The following LPP variants were observed in gnomAD, a reference collection of about 807,000 sequenced individuals.
The protein encoded by LPP is lipoma-preferred partner.
A neutral mutation model predicts 60.4 loss-of-function variants in LPP; 38 were observed. That is an observed-to-expected ratio of 0.63 (90% CI 0.49 to 0.83). LPP has a LOEUF of 0.83. Among genes scored for constraint, LPP ranks in the 40% least tolerant of loss-of-function variants. The pLI is 0.00. For missense variants in LPP, 902 were observed against 783.6 expected, an observed-to-expected ratio of 1.15 and a Z score of -1.80; for synonymous variants, 328 against 290.8, an observed-to-expected ratio of 1.13 and a Z score of -1.30.
rs138867743 is a variant in LPP at position 188,195,223 on chromosome 3, C to T, written c.-189-30182C>T. Among the ~76,000 whole-genome samples the T allele has an allele frequency of 1.3e-3, 195 of 151,314 alleles. 2 individuals carry two copies. Among genetic ancestry groups the T allele is most frequent in the African/African-American group, 4.5e-3 (184 of 41,218 alleles). On this transcript the variant is annotated intron_variant, in intron 1 of 11. Transcript: ENST00000617246. ...GCAATAAGCTGAGATTGCGCCATTG[C>T]ACTCCAGCCTGGGCGACAAGAGCGA... is the stretch of plus-strand genomic sequence containing the variant.
At chr3:188,716,459 A>G (rs1027409694) in intron 8 of LPP, among the ~76,000 whole-genome samples, 9 of 152,234 alleles carry the variant, frequency 5.9e-5, no homozygotes, top group Admixed American at 1.3e-4. Context: ...TTCTTTCTGC[A>G]CTAGTGGGAC....
chr3:188,255,468 A>C (rs944949852), intron 2 of LPP, among the ~76,000 whole-genome samples: 4 of 152,198 alleles, frequency 2.6e-5, no homozygotes, highest in African/African-American at 9.7e-5. Context: ...TCTTATTCAT[A>C]GATTCTGGGC....
At chr3:188,645,803 T>C (rs983894527) in intron 7 of LPP, among the ~76,000 whole-genome samples, 3 of 150,180 alleles carry the variant, frequency 2.0e-5, no homozygotes, top group Non-Finnish European at 3.0e-5. Context: ...TTGACAAATA[T>C]AAGTTCAAAA....
At chr3:188,154,409 C>G (rs1577015413) in intron 1 of LPP, among the ~76,000 whole-genome samples, 157 bp downstream of exon 1, 1 of 152,116 alleles carries the variant, frequency 6.6e-6, no homozygotes, top group Admixed American at 6.5e-5. Context: ...CGGCCGCGGC[C>G]CAATCACGGG....
chr3:188,726,961 G>A (rs1253251092), intron 8 of LPP, among the ~76,000 whole-genome samples: 4 of 152,078 alleles, frequency 2.6e-5, no homozygotes, highest in Non-Finnish European at 5.9e-5. Context: ...TCACAGAATG[G>A]GACCTTAGAT....
In LPP at chr3:188,406,288, C is replaced by T. The variant is rs1288537252; in HGVS notation, c.168C>T (p.Asn56=). The T allele has an allele frequency of 1.2e-6, 2 of 1,614,080 alleles. No individual in the cohort carries two copies. The highest frequency in any genetic ancestry group is 1.7e-6 in the Non-Finnish European group (2 of 1,179,978). Reference sequence around the variant, plus strand: ...TAGTTGCTCCAAAACCTAAGTACAACCCATACAAACAACCTGGAGGTGAGG... The same window carrying T: ...TAGTTGCTCCAAAACCTAAGTACAATCCATACAAACAACCTGGAGGTGAGG... ...APVVAPKPKY[N]PYKQPGGEGD... The change falls in exon 4 of 12, where the codon AAC becomes AAT. Residue 56 remains asparagine (N), a synonymous_variant. Coordinates refer to ENST00000617246, the MANE Select transcript of LPP (RefSeq NM_001375462.1).
chr3:188,172,305 G>A (rs896631504), intron 1 of LPP, among the ~76,000 whole-genome samples: 1 of 152,098 alleles, frequency 6.6e-6, no homozygotes, highest in African/African-American at 2.4e-5. Context: ...TTGCATTCTG[G>A]CCTGCCAAAA....
chr3:188,265,312 G>A (rs9860023), intron 2 of LPP, among the ~76,000 whole-genome samples: 2,908 of 152,290 alleles, frequency 0.019, 44 homozygotes, highest in African/African-American at 0.024. Context: ...TGTATATGGA[G>A]GCATCACAGT....
chr3:188,556,669 A>G (rs1023647950), intron 6 of LPP, among the ~76,000 whole-genome samples: 1 of 151,718 alleles, frequency 6.6e-6, no homozygotes, highest in Non-Finnish European at 1.5e-5. Flanking sequence ...ATTATGATCT[A>G]ATTACTTCCA....
chr3:188,731,516 TTTTTGTTTTG>T (rs71298537), intron 8 of LPP, among the ~76,000 whole-genome samples: 1 of 145,700 alleles, frequency 6.9e-6, no homozygotes, highest in East Asian at 2.0e-4. Flanking sequence ...TTTTTTGTTT[TTTTTGTTTTG>T]TTTTGTTTTG....
At chr3:188,662,370 C>G (rs1466539289) in intron 7 of LPP, among the ~76,000 whole-genome samples, 1 of 152,174 alleles carries the variant, frequency 6.6e-6, no homozygotes, top group Admixed American at 6.5e-5. Flanking sequence ...TCAGAGGTCC[C>G]ATAGATACCA....
At chr3:188,635,932 T>C (rs1848647279) in intron 7 of LPP, among the ~76,000 whole-genome samples, 1 of 152,220 alleles carries the variant, frequency 6.6e-6, no homozygotes, top group Non-Finnish European at 1.5e-5. Context: ...AATAAACTCT[T>C]TGTGTTAGAG....
At chr3:188,554,349 G>T (rs1015483270) in intron 6 of LPP, among the ~76,000 whole-genome samples, 2 of 152,072 alleles carry the variant, frequency 1.3e-5, no homozygotes, top group African/African-American at 4.8e-5. Flanking sequence ...TTTCTAACTT[G>T]CAAATAGAGC....
chr3:188,821,743 T>A (rs1754026337), intron 9 of LPP, among the ~76,000 whole-genome samples: 1 of 152,144 alleles, frequency 6.6e-6, no homozygotes, highest in African/African-American at 2.4e-5. Context: ...CTCAGAGACA[T>A]TTTCCCATAT....
chr3:188,621,887 T>C, intron 7 of LPP, among the ~76,000 whole-genome samples: 1 of 152,132 alleles, frequency 6.6e-6, no homozygotes, highest in East Asian at 1.9e-4. Context: ...CTCAAACTCC[T>C]GACCTCAGGT....
chr3:188,841,193 A>G lies in LPP; in HGVS notation c.1411-25007A>G, dbSNP rs552110295. The stretch of plus-strand genomic sequence containing the variant: ...ACGTGGAAGACCCCTTAGAAAAACA[A>G]TCTCTGTAATTTGTATTTTTGGACA... On this transcript the variant is annotated intron_variant, in intron 9 of 11. Coordinates refer to ENST00000617246, the MANE Select transcript of LPP (RefSeq NM_001375462.1). Among the ~76,000 whole-genome samples the G allele has an allele frequency of 1.4e-4, 22 of 152,206 alleles. 2 individuals carry two copies. In the South Asian group the frequency reaches 4.6e-3, roughly 32 times the overall value.
intron 8 of LPP, among the ~76,000 whole-genome samples, chr3:188,743,137 C>T (rs2150200360): frequency 6.6e-6 from 1 of 152,224 alleles, no homozygotes; most frequent in Non-Finnish European, 1.5e-5. Context: ...CCTGCTTTTT[C>T]TGAGGGAAAT....
chr3:188,603,171 A>G (rs531295462), intron 6 of LPP, among the ~76,000 whole-genome samples: 9 of 152,076 alleles, frequency 5.9e-5, no homozygotes, highest in African/African-American at 1.9e-4. Flanking sequence ...TAAACTCTTC[A>G]GCTTTATAGT....
chr3:188,227,450 G>T (rs1259793048), intron 2 of LPP, among the ~76,000 whole-genome samples: 1 of 149,178 alleles, frequency 6.7e-6, no homozygotes, highest in African/African-American at 2.5e-5. Context: ...AGAAGTTTTT[G>T]TTGTTCATAA....
Sources: gnomAD v4.1 joint callset for allele counts (sites outside exome capture counted in the v4.1 genomes callset) on GRCh38, gnomAD v4.1.1 for gene constraint, MANE v1.5 for transcripts, NCBI Gene and HGNC (gene_info 2026-07-23, HGNC 2026-07-21) for gene names.